The following COG5 variants were observed in gnomAD, a reference collection of about 807,000 sequenced individuals.
COG5 encodes the protein conserved oligomeric Golgi complex subunit 5.
A neutral mutation model predicts 110.4 loss-of-function variants in COG5; 86 were observed. The observed-to-expected ratio is 0.78, with a 90% CI of 0.65 to 0.93. The LOEUF (loss-of-function observed/expected upper bound fraction) is 0.93, where lower values mean the gene tolerates loss of function less well. Among genes scored for constraint, COG5 ranks in the 40% least tolerant of loss-of-function variants. The pLI, the probability that COG5 is intolerant of heterozygous loss-of-function variation, is 0.00. For missense variants in COG5, 1,077 were observed against 987.0 expected (o/e 1.09, Z -1.22); for synonymous variants, 360 against 334.6 (o/e 1.08, Z -0.83).
intron 12 of COG5, among the ~76,000 whole-genome samples, chr7:107,289,494 C>T (rs1167305317): frequency 1.3e-5 from 2 of 151,936 alleles, no homozygotes; most frequent in Non-Finnish European, 2.9e-5. Flanking sequence ...CTTGAAATTC[C>T]TTATGAATTT....
At chr7:107,489,181 T>G (rs1797836985) in intron 6 of COG5, among the ~76,000 whole-genome samples, 1 of 152,194 alleles carries the variant, frequency 6.6e-6, no homozygotes, top group African/African-American at 2.4e-5. Flanking sequence ...AAATGATGCC[T>G]GGTTAATGTC....
chr7:107,508,325 C>T (rs980929227), intron 6 of COG5, among the ~76,000 whole-genome samples: 10 of 152,296 alleles, frequency 6.6e-5, no homozygotes, highest in African/African-American at 2.4e-4. Flanking sequence ...AGCAGCAAGG[C>T]TGGGGGAGGG....
intron 6 of COG5, among the ~76,000 whole-genome samples, chr7:107,469,577 A>G (rs1055248948): frequency 2.6e-5 from 4 of 152,162 alleles, no homozygotes; most frequent in Non-Finnish European, 5.9e-5. Context: ...AATTTGGAAT[A>G]CCCAGAGAAG....
At chr7:107,211,010 C>T in intron 20 of COG5, 89 bp downstream of exon 20, 1 of 1,452,874 alleles carries the variant, frequency 6.9e-7, no homozygotes, top group Non-Finnish European at 9.6e-7. Flanking sequence ...CAGCAGAGGG[C>T]CAGGAATCAT....
chr7:107,297,845 A>G (rs1806892275), intron 12 of COG5, among the ~76,000 whole-genome samples: 1 of 152,134 alleles, frequency 6.6e-6, no homozygotes, highest in African/African-American at 2.4e-5. Flanking sequence ...GGTATATTAT[A>G]ACATCGATTA....
intron 11 of COG5, among the ~76,000 whole-genome samples, chr7:107,307,235 C>T (rs559776710): frequency 3.3e-5 from 5 of 152,228 alleles, no homozygotes; most frequent in South Asian, 2.1e-4. Flanking sequence ...CAACAGTGGG[C>T]GTTTTTCTGA....
intron 6 of COG5, chr7:107,472,386 G>T (rs1176606682): frequency 2.0e-5 from 3 of 151,940 alleles, no homozygotes; most frequent in African/African-American, 7.2e-5. Flanking sequence ...GGCCCATAAG[G>T]CAACAGCAAA....
intron 7 of COG5, among the ~76,000 whole-genome samples, chr7:107,405,954 G>A (rs1413805001): frequency 2.0e-5 from 3 of 152,134 alleles, no homozygotes; most frequent in African/African-American, 7.2e-5. Flanking sequence ...GGCACCTCCA[G>A]CCTTCAGACT....
At chr7:107,360,058 C>T (rs1220761114) in intron 10 of COG5, among the ~76,000 whole-genome samples, 2 of 149,740 alleles carry the variant, frequency 1.3e-5, no homozygotes, top group Non-Finnish European at 1.5e-5. Context: ...ATGACCTGCC[C>T]GCAGGTATAA....
chr7:107,220,452 T>C (rs903909040), intron 19 of COG5, among the ~76,000 whole-genome samples: 1 of 152,226 alleles, frequency 6.6e-6, no homozygotes, highest in Non-Finnish European at 1.5e-5. Flanking sequence ...ATGGGTGGTG[T>C]TGTCTTAAAG....
chr7:107,508,103 A>G (rs972161376), intron 6 of COG5, among the ~76,000 whole-genome samples: 6 of 152,234 alleles, frequency 3.9e-5, no homozygotes, highest in African/African-American at 1.4e-4. Flanking sequence ...GGGAAGAGCA[A>G]GGGGTCAGGG....
chr7:107,242,133 TG>T (rs1562929515), intron 17 of COG5, among the ~76,000 whole-genome samples: 5 of 152,140 alleles, frequency 3.3e-5, no homozygotes, highest in Admixed American at 3.3e-4. Flanking sequence ...GAGGTCAATA[TG>T]GCCAATTAGA....
chr7:107,243,195 C>A (rs1167253344), intron 17 of COG5, among the ~76,000 whole-genome samples: 1 of 152,054 alleles, frequency 6.6e-6, no homozygotes, highest in Non-Finnish European at 1.5e-5. Flanking sequence ...CACCCAGATT[C>A]CTAAAGCAAA....
chr7:107,330,981 C>T (rs1810189912), intron 10 of COG5, among the ~76,000 whole-genome samples: 1 of 152,018 alleles, frequency 6.6e-6, no homozygotes, highest in Non-Finnish European at 1.5e-5. Flanking sequence ...TGCCACCACA[C>T]CCAGCTAATG....
intron 6 of COG5, among the ~76,000 whole-genome samples, chr7:107,450,565 T>C (rs550272554): frequency 6.6e-6 from 1 of 152,162 alleles, no homozygotes; most frequent in African/African-American, 2.4e-5. Context: ...TACCCTATTC[T>C]GGAAAAACAT....
At chr7:107,560,462 T>C (rs1803687008) in intron 1 of COG5, among the ~76,000 whole-genome samples, 1 of 152,210 alleles carries the variant, frequency 6.6e-6, no homozygotes, top group African/African-American at 2.4e-5. Flanking sequence ...CAAACAAGGA[T>C]TCCCAAATTT....
intron 11 of COG5, among the ~76,000 whole-genome samples, chr7:107,321,497 T>C (rs1345853147): frequency 7.2e-5 from 11 of 152,128 alleles, no homozygotes; most frequent in Non-Finnish European, 1.5e-4. Flanking sequence ...TAACTAAAAT[T>C]ACTTTGATAA....
intron 6 of COG5, among the ~76,000 whole-genome samples, chr7:107,440,550 T>C (rs1794645162): frequency 6.6e-6 from 1 of 152,120 alleles, no homozygotes; most frequent in Non-Finnish European, 1.5e-5. Context: ...TGGTGGCCAC[T>C]AGACAGCTTC....
chr7:107,373,347 A>G (rs1814349040), intron 7 of COG5, among the ~76,000 whole-genome samples: 1 of 152,170 alleles, frequency 6.6e-6, no homozygotes, highest in Non-Finnish European at 1.5e-5. Flanking sequence ...CAAAACATAA[A>G]TAAAACAGAA....
Sources: gnomAD v4.1 joint callset for allele counts (sites outside exome capture counted in the v4.1 genomes callset) on GRCh38, gnomAD v4.1.1 for gene constraint, MANE v1.5 for transcripts, NCBI Gene and HGNC (gene_info 2026-07-23, HGNC 2026-07-21) for gene names.